Variants in CALN1 observed in about 807,000 individuals in gnomAD.
CALN1 encodes the protein calneuron 1, also known as calcium-binding protein 8.
Under a neutral mutation model 30.6 loss-of-function variants are expected in CALN1, and 17 were observed. The ratio of observed to expected loss-of-function variants is 0.56; its 90% CI spans 0.38 to 0.83. CALN1 has a LOEUF of 0.83. Among genes scored for constraint, CALN1 ranks in the 40% least tolerant of loss-of-function variants. The pLI is 0.00. For missense variants in CALN1, 291 were observed against 354.9 expected (o/e 0.82, Z 1.45); for synonymous variants, 156 against 131.4 (o/e 1.19, Z -1.28).
intron 4 of CALN1, among the ~76,000 whole-genome samples, chr7:72,072,769 G>A (rs1404264467): frequency 2.0e-5 from 3 of 152,154 alleles, no homozygotes; most frequent in Non-Finnish European, 4.4e-5. Context: ...ATGTAAAAGT[G>A]GGGATGAAGT....
intron 4 of CALN1, among the ~76,000 whole-genome samples, chr7:72,085,717 T>C (rs1053252708): frequency 2.6e-5 from 4 of 152,236 alleles, no homozygotes; most frequent in African/African-American, 9.6e-5. Context: ...CTGTTTATAA[T>C]TGTCAAAATT....
chr7:72,297,436 TAA>T (rs1798941566), intron 2 of CALN1, among the ~76,000 whole-genome samples: 1 of 152,104 alleles, frequency 6.6e-6, no homozygotes, highest in South Asian at 2.1e-4. Context: ...ATAGAAAGCA[TAA>T]ATAGATAACA....
chr7:72,269,003 C>A (rs1796784329), intron 3 of CALN1, among the ~76,000 whole-genome samples: 1 of 152,158 alleles, frequency 6.6e-6, no homozygotes, highest in Non-Finnish European at 1.5e-5. Flanking sequence ...GGGAAATTCA[C>A]ATGACAAGCC....
Position 71,921,646 on chromosome 7 carries a change from TA to T in CALN1, c.501+102010del, listed in dbSNP as rs377331280. On this transcript the variant is annotated intron_variant, in intron 5 of 6. Coordinates refer to ENST00000395275, the MANE Select transcript of CALN1 (RefSeq NM_031468.4). ...CTTACTGGCTGAAAAATAAACTATG[TA>T]AAAAAGAAATATCTACCACGTTAGG... is the stretch of plus-strand genomic sequence containing the variant. Among the ~76,000 whole-genome samples, 88 of 152,204 alleles carry T rather than the reference TA, an allele frequency of 5.8e-4. 1 individual carries two copies. The East Asian group carries it at 8.3e-3, about 14-fold the overall frequency.
At chr7:72,445,701 T>C (rs1808505452) in intron 1 of CALN1, among the ~76,000 whole-genome samples, 1 of 152,164 alleles carries the variant, frequency 6.6e-6, no homozygotes, top group Admixed American at 6.5e-5. Flanking sequence ...ATTCTGATCA[T>C]ACAAAATGCA....
At chr7:72,063,333 T>A (rs370359812) in intron 4 of CALN1, among the ~76,000 whole-genome samples, 5 of 152,356 alleles carry the variant, frequency 3.3e-5, no homozygotes, top group African/African-American at 9.6e-5. Context: ...TGCAAAGCCA[T>A]ACAATAATCT....
chr7:72,339,934 G>A (rs1802303828), intron 2 of CALN1, among the ~76,000 whole-genome samples: 2 of 152,166 alleles, frequency 1.3e-5, no homozygotes, highest in Non-Finnish European at 2.9e-5. Flanking sequence ...TTTGGGTGGG[G>A]ACACAGTCAA....
intron 4 of CALN1, among the ~76,000 whole-genome samples, chr7:72,045,598 A>G (rs1324230143): frequency 1.3e-5 from 2 of 152,164 alleles, no homozygotes; most frequent in African/African-American, 4.8e-5. Flanking sequence ...ACACAATCAC[A>G]GCTGACTGCA....
At chr7:72,150,898 T>C (rs1474665271) in intron 3 of CALN1, among the ~76,000 whole-genome samples, 2 of 151,848 alleles carry the variant, frequency 1.3e-5, no homozygotes, top group African/African-American at 4.8e-5. Flanking sequence ...ATGATGATGA[T>C]GATGATGGTG....
chr7:72,192,527 G>A (rs1315628197), intron 3 of CALN1, among the ~76,000 whole-genome samples: 1 of 152,090 alleles, frequency 6.6e-6, no homozygotes, highest in Non-Finnish European at 1.5e-5. Context: ...TTGTGATAGG[G>A]AACTCTGACA....
chr7:71,989,832 A>G (rs1386177453), intron 5 of CALN1, among the ~76,000 whole-genome samples: 4 of 152,200 alleles, frequency 2.6e-5, no homozygotes, highest in Admixed American at 6.5e-5. Context: ...ATCCAGGCAC[A>G]CTATGGAACA....
At chr7:72,476,402 T>C in the CALN1 span, among the ~76,000 whole-genome samples, 1 of 152,154 alleles carries the variant, frequency 6.6e-6, no homozygotes, top group African/African-American at 2.4e-5. Flanking sequence ...CTTGGGTAGG[T>C]CTTTATTAGC....
At chr7:72,350,786 TA>T (rs57540871) in intron 2 of CALN1, among the ~76,000 whole-genome samples, 149,544 of 152,068 alleles carry the variant, frequency 0.98, 73,575 homozygotes, top group Middle Eastern at 1. Context: ...AAGTAAAAGT[TA>T]AAAAAAAATA....
intron 5 of CALN1, among the ~76,000 whole-genome samples, chr7:71,852,530 T>G (rs969390312): frequency 6.8e-6 from 1 of 146,522 alleles, no homozygotes; most frequent in South Asian, 2.1e-4. Flanking sequence ...AGCTCAGGAG[T>G]TTGAGGCTGC....
the CALN1 span, among the ~76,000 whole-genome samples, chr7:72,487,345 G>T: frequency 1.4e-3 from 216 of 152,148 alleles, 1 homozygote; most frequent in African/African-American, 4.6e-3. Flanking sequence ...GCAGCTGCTT[G>T]TGGGTGTTGA....
chr7:72,266,627 G>T (rs1796614010), intron 3 of CALN1, among the ~76,000 whole-genome samples: 1 of 151,982 alleles, frequency 6.6e-6, no homozygotes, highest in African/African-American at 2.4e-5. Flanking sequence ...TTTATCTTAT[G>T]ATGCCTTGAT....
intron 5 of CALN1, among the ~76,000 whole-genome samples, chr7:71,837,243 CAAAA>C (rs55977265): frequency 2.3e-3 from 179 of 79,126 alleles, no homozygotes; most frequent in African/African-American, 7.7e-3. Context: ...AAAAAAAAGA[CAAAA>C]AAAAAAAAAA....
chr7:72,316,103 A>T (rs774138624), intron 2 of CALN1, among the ~76,000 whole-genome samples: 6 of 152,024 alleles, frequency 3.9e-5, no homozygotes, highest in Non-Finnish European at 7.4e-5. Flanking sequence ...GTGAGCTGAG[A>T]TTGCACCACT....
At position 72,395,349 on chromosome 7, in the gene CALN1, G is replaced by A. The variant is rs572955979; in HGVS notation, c.119+7902C>T. Among the ~76,000 whole-genome samples the A allele has an allele frequency of 4.4e-4, 44 of 99,262 alleles. No individual in the cohort carries two copies. The South Asian group carries it at 4.6e-3, about 10-fold the overall frequency. The allele number at this position is 99,262 out of a possible 152,430, so 65.1% of individuals were successfully genotyped here. A position where few individuals can be genotyped will look rare whatever the true frequency, so the allele number is the denominator to read the frequency against. On this transcript the variant is annotated intron_variant, in intron 2 of 6. Coordinates refer to ENST00000395275, the MANE Select transcript of CALN1 (RefSeq NM_031468.4). Reference sequence around the variant, plus strand: ...GCAAACACATACACACACACGCTGCGCACGCGCGCGCACACACACACACAC... The same window carrying A: ...GCAAACACATACACACACACGCTGCACACGCGCGCGCACACACACACACAC...
Sources: allele counts gnomAD v4.1 joint callset (sites outside exome capture counted in the v4.1 genomes callset), GRCh38; gene constraint gnomAD v4.1.1; transcripts MANE v1.5; gene names NCBI Gene and HGNC (gene_info 2026-07-23, HGNC 2026-07-21).